Variants in RFWD3 observed in about 807,000 individuals in gnomAD.
RFWD3 encodes ring finger and WD repeat domain 3, also known as E3 ubiquitin-protein ligase RFWD3.
A neutral mutation model predicts 87.7 loss-of-function variants in RFWD3; 65 were observed. The observed-to-expected ratio is 0.74, with a 90% CI of 0.61 to 0.91. RFWD3 has a LOEUF of 0.91. RFWD3 is among the 40% of genes least tolerant of loss of function. The probability of loss-of-function intolerance (pLI) is 0.00; values close to 1 mark genes in which losing one functional copy is unlikely to be tolerated. For missense variants in RFWD3, 1,078 were observed against 938.5 expected (o/e 1.15, Z -1.94); for synonymous variants, 433 against 352.8 (o/e 1.23, Z -2.55).
In RFWD3 at chr16:74,652,061, T is replaced by C; in HGVS notation, c.580A>G (p.Thr194Ala). The change falls in exon 3 of 13, where the codon ACC (threonine) becomes GCC (alanine). Residue 194 changes from threonine (T) to alanine (A), a missense_variant. Physicochemically the swap from Thr to Ala is moderately conservative, Grantham distance 58. Transcript: ENST00000361070. Reference sequence around the variant, plus strand: ...TTCCTAGTCTCTGAATCATAAGTGGTAGCTGGCAAGTCAGGCTGGGTCCTG... The same window carrying C: ...TTCCTAGTCTCTGAATCATAAGTGGCAGCTGGCAAGTCAGGCTGGGTCCTG... ...VSRTQPDLPA[T>A]TYDSETRNPV... is the part of the protein sequence containing the mutation. 2 of 1,614,146 alleles carry C rather than the reference T, an allele frequency of 1.2e-6. No individual in the cohort carries two copies. Among genetic ancestry groups the C allele is most frequent in the East Asian group, 4.5e-5 (2 of 44,884 alleles).
intron 2 of RFWD3, among the ~76,000 whole-genome samples, chr16:74,656,550 T>C (rs966435736): frequency 6.6e-6 from 1 of 152,016 alleles, no homozygotes; most frequent in African/African-American, 2.4e-5. Context: ...TGGCATGATA[T>C]TGGCTCATTG....
chr16:74,648,107 G>A (rs1798967502), intron 4 of RFWD3, among the ~76,000 whole-genome samples: 1 of 152,048 alleles, frequency 6.6e-6, no homozygotes, highest in Non-Finnish European at 1.5e-5. Context: ...ACCACACCTG[G>A]CGAATGTGCT....
chr16:74,651,830 T>C (rs1960589248), intron 3 of RFWD3, 90 bp downstream of exon 3: 5 of 1,129,212 alleles, frequency 4.4e-6, no homozygotes, highest in African/African-American at 1.5e-5. Flanking sequence ...AAAGGGAAAG[T>C]GTCAAAGCAC....
At chr16:74,662,625 G>A (rs1484282494) in intron 1 of RFWD3, among the ~76,000 whole-genome samples, 1 of 152,232 alleles carries the variant, frequency 6.6e-6, no homozygotes, top group African/African-American at 2.4e-5. Flanking sequence ...GCTATGCAAA[G>A]AGCCAAGAAG....
chr16:74,637,980 G>A lies in RFWD3; in HGVS notation c.1080-10C>T. On this transcript the variant is annotated splice_polypyrimidine_tract_variant and intron_variant, in intron 6 of 12. Coordinates refer to ENST00000361070, the MANE Select transcript of RFWD3 (RefSeq NM_018124.4). ...TTCCTTCAGTAGGGAACTAGAGGGG[G>A]AAAGCCAGCAACAAGTGGGGATTAG... The A allele has an allele frequency of 6.3e-7, 1 of 1,591,008 alleles. No individual in the cohort carries two copies. Among genetic ancestry groups the A allele is most frequent in the Non-Finnish European group, 8.6e-7 (1 of 1,163,492 alleles).
rs1959973339 is a variant in RFWD3, at chr16:74,644,706, T to G, written c.822A>C (p.Leu274=). 5 of 1,614,142 alleles carry G rather than the reference T, an allele frequency of 3.1e-6. No individual in the cohort carries two copies. The highest frequency in any genetic ancestry group is 4.2e-6 in the Non-Finnish European group (5 of 1,179,994). Residue 274 remains leucine (L), a synonymous_variant, in exon 5 of 13, where the codon CTA becomes CTC. Transcript: ENST00000361070. ...CTTCCTCATCCATAGAAGCAGAAGG[T>G]AGCAGAGGCTCAGACTTCTGGGGAG... is the stretch of plus-strand genomic sequence containing the variant. ...QPSPQKSEPL[L]PSASMDEEEG... is the part of the protein sequence containing the mutation.
rs1021374344 is a variant in RFWD3, at chr16:74,634,504, C to T, written c.1427-1831G>A. On this transcript the variant is annotated intron_variant, in intron 8 of 12. Transcript: ENST00000361070. ...GGCTCAAGCGATCCTCCCAACTCAG[C>T]CTCCCAAGTAGCTGGGACCAGAGAG... 1.6e-4 allele frequency among the ~76,000 whole-genome samples: 25 copies of T among 152,156 alleles called. No individual in the cohort carries two copies. In the Middle Eastern group the frequency reaches 0.014, roughly 83 times the overall value.
chr16:74,660,399 G>A (rs891049962), intron 2 of RFWD3, among the ~76,000 whole-genome samples: 2 of 152,216 alleles, frequency 1.3e-5, no homozygotes, highest in African/African-American at 4.8e-5. Context: ...GTTGCAGTGA[G>A]CAAAGATTGT....
At position 74,626,382 on chromosome 16, in the gene RFWD3, G is replaced by A. The variant is rs770870074; in HGVS notation, c.2142C>T (p.Ile714=). ...CTGCTTCATCCCCAGTACACACCAG[G>A]ATGTTGCCATCATTCTCTGGGCTTT... ...IFQSPENDGN[I]LVCTGDEAAN... Residue 714 remains isoleucine, a synonymous_variant, in exon 12 of 13, where the codon ATC becomes ATT. Coordinates refer to ENST00000361070, the MANE Select transcript of RFWD3 (RefSeq NM_018124.4). 2.5e-6 allele frequency: 4 copies of A among 1,614,086 alleles called. No individual in the cohort carries two copies. Among genetic ancestry groups the A allele is most frequent in the South Asian group, 1.1e-5 (1 of 91,094 alleles).
intron 3 of RFWD3, 125 bp from the exon 4 acceptor site, chr16:74,649,327 T>C: frequency 4.9e-6 from 3 of 611,344 alleles, no homozygotes; most frequent in Non-Finnish European, 8.5e-6. Context: ...ACAGTGTTCC[T>C]GCAAAAAGGA....
intron 2 of RFWD3, among the ~76,000 whole-genome samples, chr16:74,658,088 G>A (rs1961139465): frequency 6.6e-6 from 1 of 152,098 alleles, no homozygotes; most frequent in African/African-American, 2.4e-5. Context: ...GCAGTGCTAG[G>A]GTTTCTCTTT....
chr16:74,666,502 G>A (rs2144405388), intron 1 of RFWD3: 1 of 152,360 alleles, frequency 6.6e-6, no homozygotes, highest in African/African-American at 2.4e-5. Flanking sequence ...GGCCAGGGCA[G>A]GCCCCGCAGC....
intron 8 of RFWD3, chr16:74,632,878 A>G (rs1959144028): frequency 1.9e-6 from 1 of 526,910 alleles, no homozygotes; most frequent in Non-Finnish European, 3.4e-6. Flanking sequence ...GCGTAACCTC[A>G]GCTCACTACA....
rs920496377 is a variant in RFWD3, at chr16:74,643,656, G to A, written c.1079+706C>T. On this transcript the variant is annotated intron_variant, in intron 6 of 12. Transcript: ENST00000361070. Reference sequence around the variant, plus strand: ...ATTTTTGAAGCATATACTGAGTGGTGTTACTAGCAACTGTTTTTTTTTTTT... The same window carrying A: ...ATTTTTGAAGCATATACTGAGTGGTATTACTAGCAACTGTTTTTTTTTTTT... 7.2e-5 allele frequency among the ~76,000 whole-genome samples: 10 copies of A among 138,970 alleles called. 2 individuals carry two copies. The allele number at this position is 138,970 out of a possible 152,430, so 91.2% of individuals were successfully genotyped here.
intron 2 of RFWD3, among the ~76,000 whole-genome samples, chr16:74,656,037 T>G (rs529475421): frequency 6.6e-6 from 1 of 152,176 alleles, no homozygotes; most frequent in Non-Finnish European, 1.5e-5. Context: ...TAACATATTC[T>G]GCAGCCCAAC....
rs573197106 is a variant in RFWD3 at position 74,646,180 on chromosome 16, G to A, written c.793-1445C>T. Among the ~76,000 whole-genome samples the A allele has an allele frequency of 2.0e-4, 30 of 151,640 alleles. No homozygotes were observed. In the South Asian group the frequency reaches 6.1e-3, roughly 31 times the overall value. On this transcript the variant is annotated intron_variant, in intron 4 of 12. Transcript: ENST00000361070. ...CCTTGAGCTCAGGAGTTTGAAACCA[G>A]ACTGGACAACATAGCAAGACCTTGT...
intron 2 of RFWD3, 23 bp downstream of exon 2, chr16:74,660,909 G>C (rs369484750): frequency 7.8e-5 from 124 of 1,596,142 alleles, no homozygotes; most frequent in Non-Finnish European, 9.2e-5. Context: ...AATGATCACA[G>C]ACTTATCCAT....
chr16:74,649,151 C>A lies in RFWD3; in HGVS notation c.773G>T (p.Gly258Val). ...AEQEVTCIDG[G>V]KTLPKQPSPQ... ...TATTACCTGTTTGGGGAGGGTCTTG[C>A]CTCCATCGATACATGTAACTTCTTG... The change falls in exon 4 of 13, where the codon GGC (glycine) becomes GTC (valine). Residue 258 changes from glycine (G) to valine (V), a missense_variant. By Grantham distance (109) the Gly-to-Val change is moderately radical. Transcript: ENST00000361070. 6.4e-7 allele frequency: 1 copy of A among 1,571,770 alleles called. No homozygotes were observed. The highest frequency in any genetic ancestry group is 1.2e-5 in the South Asian group (1 of 84,004).
In RFWD3 at chr16:74,644,576, T is replaced by C. The variant is rs1959954390; in HGVS notation, c.952A>G (p.Thr318Ala). ...GHLFGYRCISTWLKGQVRKCP... is the reference protein window; with the variant it reads ...GHLFGYRCISAWLKGQVRKCP... ...TTTCGTACTTGTCCTTTAAGCCACG[T>C]GGAAATGCACCTATACCCAAAGAGA... Residue 318 changes from threonine to alanine, a missense_variant, in exon 5 of 13, where the codon ACG (threonine) becomes GCG (alanine). Physicochemically the swap from Thr to Ala is moderately conservative, Grantham distance 58 (BLOSUM62 0). Coordinates refer to ENST00000361070, the MANE Select transcript of RFWD3 (RefSeq NM_018124.4). 2 of 1,614,156 alleles carry C rather than the reference T, an allele frequency of 1.2e-6. No homozygotes were observed. Among genetic ancestry groups the C allele is most frequent in the African/African-American group, 1.3e-5 (1 of 75,020 alleles).
Sources: allele counts gnomAD v4.1 joint callset (sites outside exome capture counted in the v4.1 genomes callset), GRCh38; gene constraint gnomAD v4.1.1; transcripts MANE v1.5; gene names NCBI Gene and HGNC (gene_info 2026-07-23, HGNC 2026-07-21).